SEPTIN9: variants seen among roughly 807,000 people sequenced by gnomAD.
SEPTIN9 encodes the protein septin 9.
In SEPTIN9, 13 loss-of-function variants were observed where a neutral mutation model predicts 56.6. The observed-to-expected ratio is 0.23, with a 90% CI of 0.15 to 0.37. SEPTIN9 has a LOEUF of 0.37. SEPTIN9 is among the 10% of genes least tolerant of loss of function. SEPTIN9 has a pLI of 1.00. For synonymous variants in SEPTIN9, 332 were observed against 334.1 expected, an observed-to-expected ratio of 0.99 and a Z score of 0.07; for missense variants, 650 against 823.1, an observed-to-expected ratio of 0.79 and a Z score of 2.57.
At chr17:77,384,322 C>G (rs1276962929) in intron 2 of SEPTIN9, among the ~76,000 whole-genome samples, 2 of 152,006 alleles carry the variant, frequency 1.3e-5, no homozygotes, top group Admixed American at 6.5e-5. Context: ...TCAGCAGTGC[C>G]CAGCACACGG....
At chr17:77,372,668 C>T (rs1321026956) in intron 2 of SEPTIN9, among the ~76,000 whole-genome samples, 1 of 152,232 alleles carries the variant, frequency 6.6e-6, no homozygotes, top group African/African-American at 2.4e-5. Context: ...CCCCTTCTCC[C>T]GGACAGTGCC....
At chr17:77,314,936 C>T (rs1372101822) in intron 2 of SEPTIN9, among the ~76,000 whole-genome samples, 2 of 152,148 alleles carry the variant, frequency 1.3e-5, no homozygotes, top group Admixed American at 1.3e-4. Flanking sequence ...GGATGGTGCA[C>T]CTGGGGCGGC....
chr17:77,395,115 C>T (rs543476499), intron 2 of SEPTIN9, among the ~76,000 whole-genome samples: 1 of 151,724 alleles, frequency 6.6e-6, no homozygotes, highest in African/African-American at 2.4e-5. Context: ...GGAGTCTTGC[C>T]ATTTGCCCAG....
intron 1 of SEPTIN9, chr17:77,294,421 A>AAAAT (rs1020720958): frequency 1.9e-5 from 3 of 154,220 alleles, no homozygotes; most frequent in Non-Finnish European, 4.3e-5. Flanking sequence ...CTCCATCTCA[A>AAAAT]AAATAAATAA....
At position 77,405,867 on chromosome 17, in the gene SEPTIN9, G is replaced by A. The variant is rs933304850; in HGVS notation, c.721+3164G>A. Among the ~76,000 whole-genome samples the A allele has an allele frequency of 3.3e-5, 5 of 152,200 alleles. No individual in the cohort carries two copies. The highest frequency in any genetic ancestry group is 2.9e-5 in the Non-Finnish European group (2 of 68,042). ...CTTCTGCCCCTCCATGTGGGGCTGG[G>A]CTGGGAGTTCCCTGAGCCCCGACAT... On this transcript the variant is annotated intron_variant, in intron 3 of 11. Coordinates refer to ENST00000427177, the MANE Select transcript of SEPTIN9 (RefSeq NM_001113491.2). The surrounding 1 kb of genome is among the most constrained non-coding windows in gnomAD (Gnocchi z 5.8).
At position 77,475,181 on chromosome 17, in the gene SEPTIN9, CTG is replaced by C; in HGVS notation, c.722-6962_722-6961del. The C allele has an allele frequency of 5.1e-6, 6 of 1,173,936 alleles. No homozygotes were observed. Among genetic ancestry groups the C allele is most frequent in the Admixed American group, 8.5e-5 (2 of 23,654 alleles). 72.7% of individuals were successfully genotyped at this position (1,173,936 alleles called of 1,614,324 possible). The stretch of plus-strand genomic sequence containing the variant: ...GGGGTGAGCGTGATGGATGAGGTGT[CTG>C]GCTTCACAAACCCTGTGTGGGGGGG... On this transcript the variant is annotated intron_variant, in intron 3 of 11. Transcript: ENST00000427177. This position sits in a 1 kb window ranked among gnomAD's most constrained non-coding sequence, Gnocchi z 4.6.
chr17:77,285,352 C>T (rs2031225995), intron 1 of SEPTIN9, among the ~76,000 whole-genome samples: 1 of 152,154 alleles, frequency 6.6e-6, no homozygotes, highest in South Asian at 2.1e-4. Context: ...ACTGAGGTTG[C>T]GTCACACCCC....
intron 3 of SEPTIN9, among the ~76,000 whole-genome samples, chr17:77,464,326 T>C (rs2038612005): frequency 6.6e-6 from 1 of 152,176 alleles, no homozygotes; most frequent in Admixed American, 6.5e-5. Flanking sequence ...AATTGGCCCA[T>C]GTCGGCTTCC....
rs1361240920 is a variant in SEPTIN9 at position 77,492,662 on chromosome 17, C to T, written c.1422C>T (p.Pro474=). 2 of 1,614,020 alleles carry T rather than the reference C, an allele frequency of 1.2e-6. No individual in the cohort carries two copies. The highest frequency in any genetic ancestry group is 1.7e-6 in the Non-Finnish European group (2 of 1,180,044). Residue 474 remains proline, a synonymous_variant, in exon 9 of 12, where the codon CCC becomes CCT. Transcript: ENST00000427177. This position sits in a 1 kb window ranked among gnomAD's most constrained non-coding sequence, Gnocchi z 5.4. The part of the protein sequence containing the change: ...DLLSNGIDVY[P]QKEFDEDSED... Reference sequence around the variant, plus strand: ...TGTCCAACGGCATCGACGTGTACCCCCAGAAGGAATTTGATGAGGACTCGG... The same window carrying T: ...TGTCCAACGGCATCGACGTGTACCCTCAGAAGGAATTTGATGAGGACTCGG...
At chr17:77,426,299 C>G (rs2036908193) in intron 3 of SEPTIN9, among the ~76,000 whole-genome samples, 1 of 152,106 alleles carries the variant, frequency 6.6e-6, no homozygotes. Context: ...GCACACCTCC[C>G]CCAGGAGTGC....
chr17:77,375,369 A>G (rs1388924029), intron 2 of SEPTIN9: 2 of 151,576 alleles, frequency 1.3e-5, no homozygotes. Context: ...TCGGGCCCCC[A>G]GTGGGATTTC....
chr17:77,282,606 T>C (rs1598456266), intron 1 of SEPTIN9, among the ~76,000 whole-genome samples: 1 of 152,318 alleles, frequency 6.6e-6, no homozygotes, highest in African/African-American at 2.4e-5. Context: ...AAATGAGTGA[T>C]AAAGTACCTT....
At position 77,445,112 on chromosome 17, in the gene SEPTIN9, G is replaced by A. The variant is rs1207398158; in HGVS notation, c.722-37032G>A. The A allele has an allele frequency of 4.4e-6, 2 of 459,074 alleles. No individual in the cohort carries two copies. Among genetic ancestry groups the A allele is most frequent in the Non-Finnish European group, 9.1e-6 (2 of 219,210 alleles). 28.4% of individuals were successfully genotyped at this position (459,074 alleles called of 1,614,324 possible). A position where few individuals can be genotyped will look rare whatever the true frequency, so the allele number is the denominator to read the frequency against. ...GCCTGCCTGGGGACGGCCTTCACTC[G>A]GGCTACTCAGGGTTTCCCCAGCCTG... On this transcript the variant is annotated intron_variant, in intron 3 of 11. Coordinates refer to ENST00000427177, the MANE Select transcript of SEPTIN9 (RefSeq NM_001113491.2). This position sits in a 1 kb window ranked among gnomAD's most constrained non-coding sequence, Gnocchi z 4.7.
At chr17:77,391,381 G>A (rs1005232822) in intron 2 of SEPTIN9, among the ~76,000 whole-genome samples, 2 of 152,134 alleles carry the variant, frequency 1.3e-5, no homozygotes, top group East Asian at 1.9e-4. Context: ...GATTCCTGGC[G>A]TTCCTTGGCC....
chr17:77,458,013 T>C (rs1183195354), intron 3 of SEPTIN9, among the ~76,000 whole-genome samples: 1 of 152,180 alleles, frequency 6.6e-6, no homozygotes, highest in Non-Finnish European at 1.5e-5. Context: ...CTTCCTGGAC[T>C]CACCCTGAAG....
At chr17:77,467,828 C>T (rs922352566) in intron 3 of SEPTIN9, among the ~76,000 whole-genome samples, 1 of 152,172 alleles carries the variant, frequency 6.6e-6, no homozygotes, top group Admixed American at 6.5e-5. Context: ...AGGGGCCGGA[C>T]GAAAGGACAG....
intron 4 of SEPTIN9, among the ~76,000 whole-genome samples, chr17:77,485,410 T>C (rs988242867): frequency 1.3e-5 from 2 of 151,506 alleles, no homozygotes; most frequent in Non-Finnish European, 2.9e-5. Flanking sequence ...CTGATGATTG[T>C]GATGACAGTG....
chr17:77,482,392 A>T, intron 4 of SEPTIN9, 57 bp downstream of exon 4: 2 of 1,570,014 alleles, frequency 1.3e-6, no homozygotes, highest in Non-Finnish European at 1.7e-6. Flanking sequence ...CTCAGCCCCC[A>T]GGGCGGCCCA....
Position 77,389,111 on chromosome 17 carries a change from C to T in SEPTIN9, c.77-12948C>T, listed in dbSNP as rs191285544. 1.8e-4 allele frequency among the ~76,000 whole-genome samples: 28 copies of T among 152,274 alleles called. No individual in the cohort carries two copies. Among genetic ancestry groups the T allele is most frequent in the Admixed American group, 5.2e-4 (8 of 15,292 alleles). On this transcript the variant is annotated intron_variant, in intron 2 of 11. Transcript: ENST00000427177. This position sits in a 1 kb window ranked among gnomAD's most constrained non-coding sequence, Gnocchi z 4.3. ...GGTCCTGGTCCCCGGCAGAGCTTCC[C>T]ATCCATGGGAAGAAGCACCGAGCAG...
Sources: allele counts gnomAD v4.1 joint callset (sites outside exome capture counted in the v4.1 genomes callset), GRCh38; gene constraint gnomAD v4.1.1; non-coding constraint Gnocchi (gnomAD v3.1); transcripts MANE v1.5; gene names NCBI Gene and HGNC (gene_info 2026-07-23, HGNC 2026-07-21).